A3GALT2: variants seen among roughly 807,000 people sequenced by gnomAD.
A3GALT2 encodes alpha-1,3-galactosyltransferase 2.
Under a neutral mutation model 16.6 loss-of-function variants are expected in A3GALT2, and 14 were observed. That is an observed-to-expected ratio of 0.84 (90% CI 0.56 to 1.32). The LOEUF is 1.32. A3GALT2 is among the 40% of genes most tolerant of loss of function. The pLI is 0.00. For missense variants in A3GALT2, 600 were observed against 490.9 expected (o/e 1.22, Z -2.10); for synonymous variants, 253 against 218.0 (o/e 1.16, Z -1.42).
intron 1 of A3GALT2, among the ~76,000 whole-genome samples, chr1:33,313,099 T>G (rs1198522367): frequency 6.8e-6 from 1 of 147,320 alleles, no homozygotes; most frequent in Non-Finnish European, 1.5e-5. Context: ...TTACTTATCC[T>G]GGGTGGAAGG....
rs765918493 is a variant in A3GALT2, at chr1:33,306,940, G to A, written c.849C>T (p.Gly283=). 2 of 1,510,722 alleles carry A rather than the reference G, an allele frequency of 1.3e-6. No homozygotes were observed. Among genetic ancestry groups the A allele is most frequent in the East Asian group, 2.7e-5 (1 of 36,412 alleles). The allele number at this position is 1,510,722 out of a possible 1,614,324, so 93.6% of individuals were successfully genotyped here. The change falls in exon 5 of 5, where the codon GGC becomes GGT. Residue 283 remains glycine (G), a synonymous_variant. Coordinates refer to ENST00000442999, the MANE Select transcript of A3GALT2 (RefSeq NM_001080438.1). ...TCTCGTCGTGCCAGCGCGCCTCCAG[G>A]CCGCGCGCGCGGTCCCAGTCCAGGC... ...AGGLDWDRAR[G]LEARWHDESH...
At chr1:33,307,541 C>T (rs12723890) in intron 4 of A3GALT2, 88 bp from the exon 5 acceptor site, 2 of 1,109,110 alleles carry the variant, frequency 1.8e-6, no homozygotes, top group East Asian at 3.4e-5. Context: ...CCCACCCCAC[C>T]CTCACCCCCA....
At chr1:33,319,211 T>C (rs1445284572) in intron 1 of A3GALT2, among the ~76,000 whole-genome samples, 2 of 152,206 alleles carry the variant, frequency 1.3e-5, no homozygotes, top group Non-Finnish European at 2.9e-5. Flanking sequence ...TTTGGGTCAC[T>C]GGGATCAATC....
chr1:33,310,630 G>A (rs533416487), intron 4 of A3GALT2, among the ~76,000 whole-genome samples: 1 of 152,342 alleles, frequency 6.6e-6, no homozygotes, highest in Admixed American at 6.5e-5. Context: ...GGTTGAGCCA[G>A]GATTTGAACC....
chr1:33,306,816 G>A lies in A3GALT2; in HGVS notation c.973C>T (p.Arg325Cys). ...TTGGGCGCCCACAGCAGTCGCGGGC[G>A]GCGGATCTCGGCCCGCGGGCCGATG... ...PDIGPRAEIR[R>C]PRLLWAPKGY... is the part of the protein sequence containing the mutation. Residue 325 changes from arginine (R) to cysteine (C), a missense_variant, in exon 5 of 5, where the codon CGC becomes TGC. By Grantham distance (180) the Arg-to-Cys change is radical. Transcript: ENST00000442999. The A allele has an allele frequency of 6.8e-7, 1 of 1,477,496 alleles. No homozygotes were observed. Among genetic ancestry groups the A allele is most frequent in the Non-Finnish European group, 8.9e-7 (1 of 1,121,352 alleles). 91.5% of individuals were successfully genotyped at this position (1,477,496 alleles called of 1,614,324 possible). A position where few individuals can be genotyped will look rare whatever the true frequency, so the allele number is the denominator to read the frequency against.
intron 4 of A3GALT2, among the ~76,000 whole-genome samples, chr1:33,310,866 C>T (rs977476332): frequency 8.5e-5 from 13 of 152,306 alleles, no homozygotes; most frequent in African/African-American, 2.4e-4. Context: ...GTGGGAGCAC[C>T]GAGGCCTTGG....
chr1:33,314,939 T>G (rs1360522103), intron 1 of A3GALT2: 2 of 152,132 alleles, frequency 1.3e-5, no homozygotes, highest in African/African-American at 4.8e-5. Flanking sequence ...GCCTATAAAA[T>G]GAGCACTTTT....
At chr1:33,314,745 C>G (rs1486057483) in intron 1 of A3GALT2, 1 of 152,314 alleles carries the variant, frequency 6.6e-6, no homozygotes, top group Non-Finnish European at 1.5e-5. Flanking sequence ...CTTCATGCTC[C>G]TGGTCACTTC....
intron 4 of A3GALT2, among the ~76,000 whole-genome samples, chr1:33,310,008 G>A (rs1349990640): frequency 6.6e-6 from 1 of 152,262 alleles, no homozygotes; most frequent in Non-Finnish European, 1.5e-5. Context: ...CTCCAGCCTG[G>A]GCAACATTGA....
chr1:33,317,977 A>G (rs567386002), intron 1 of A3GALT2, among the ~76,000 whole-genome samples: 1 of 152,318 alleles, frequency 6.6e-6, no homozygotes, highest in Admixed American at 6.5e-5. Context: ...AGAAATCAAC[A>G]TGGCTATTGA....
chr1:33,314,905 A>G (rs964749720), intron 1 of A3GALT2: 4 of 152,204 alleles, frequency 2.6e-5, no homozygotes, highest in African/African-American at 7.2e-5. Context: ...AAGATATACA[A>G]ATTAGAACAA....
chr1:33,307,369 G>T lies in A3GALT2; in HGVS notation c.420C>A (p.Phe140Leu). The change falls in exon 5 of 5, where the codon TTC becomes TTA. Residue 140 changes from phenylalanine (F) to leucine (L), a missense_variant. Physicochemically the swap from Phe to Leu is conservative, Grantham distance 22. Transcript: ENST00000442999. ...MAGQSVMYYV[F>L]TELPGAVPRV... ...GGGGCACCGCTCCCGGAAGCTCGGT[G>T]AACACGTAGTACATCACGCTCTGGC... is the stretch of plus-strand genomic sequence containing the variant. The T allele has an allele frequency of 6.4e-7, 1 of 1,554,626 alleles. No homozygotes were observed. Among genetic ancestry groups the T allele is most frequent in the Non-Finnish European group, 8.6e-7 (1 of 1,157,640 alleles).
At chr1:33,319,349 G>A (rs988371966) in intron 1 of A3GALT2, among the ~76,000 whole-genome samples, 4 of 152,178 alleles carry the variant, frequency 2.6e-5, no homozygotes, top group African/African-American at 9.7e-5. Context: ...TCAGCAAGGG[G>A]GCTGGGCCAG....
At position 33,307,351 on chromosome 1, in the gene A3GALT2, C is replaced by A; in HGVS notation, c.438G>T (p.Ala146=). 1 of 1,546,694 alleles carries A rather than the reference C, an allele frequency of 6.5e-7. No homozygotes were observed. Among genetic ancestry groups the A allele is most frequent in the Non-Finnish European group, 8.7e-7 (1 of 1,154,140 alleles). ...CCGGGCCCAGCGCCACGCGGGGCAC[C>A]GCTCCCGGAAGCTCGGTGAACACGT... ...MYYVFTELPG[A]VPRVALGPGR... Residue 146 remains alanine, a synonymous_variant, in exon 5 of 5, where the codon GCG becomes GCT. Transcript: ENST00000442999.
At chr1:33,314,113 C>A (rs998246368) in intron 1 of A3GALT2, 2 of 139,962 alleles carry the variant, frequency 1.4e-5, no homozygotes, top group Admixed American at 1.5e-4. Flanking sequence ...CCCAGGCTAG[C>A]GTGCAATGGC....
chr1:33,312,551 C>T lies in A3GALT2; in HGVS notation c.147G>A (p.Ser49=), dbSNP rs374724475. 20 of 1,602,096 alleles carry T rather than the reference C, an allele frequency of 1.2e-5. No homozygotes were observed. The highest frequency in any genetic ancestry group is 7.8e-5 in the South Asian group (7 of 89,818). ...TGTCTCTCAGCTGGGACATTGTGGC[C>T]GAAGGGCAGACGCCCATGGGGATGA... ...EALIPMGVCP[S]ATMSQLRDNF... Residue 49 remains serine, a synonymous_variant, in exon 3 of 5, where the codon TCG becomes TCA. Coordinates refer to ENST00000442999, the MANE Select transcript of A3GALT2 (RefSeq NM_001080438.1).
chr1:33,307,281 G>C lies in A3GALT2; in HGVS notation c.508C>G (p.Gln170Glu). The change falls in exon 5 of 5, where the codon CAA becomes GAA. Residue 170 changes from glutamine to glutamate, a missense_variant. Physicochemically the swap from Gln to Glu is conservative, Grantham distance 29. Transcript: ENST00000442999. Reference sequence around the variant, plus strand: ...CGCATGCGCGCCATCGACACGTCTTGCCAGCGCCGCTCGCGCGCCACGCGC... The same window carrying C: ...CGCATGCGCGCCATCGACACGTCTTCCCAGCGCCGCTCGCGCGCCACGCGC... ...VERVARERRW[Q>E]DVSMARMRTL... The C allele has an allele frequency of 6.9e-7, 1 of 1,441,566 alleles. No individual in the cohort carries two copies. The highest frequency in any genetic ancestry group is 1.5e-5 in the African/African-American group (1 of 67,394). 89.3% of individuals were successfully genotyped at this position (1,441,566 alleles called of 1,614,324 possible).
At position 33,307,284 on chromosome 1, in the gene A3GALT2, A is replaced by AGCGCCGCTCGC; in HGVS notation, c.494_504dup (p.Trp169AlafsTer104). On this transcript the variant is annotated frameshift_variant, in exon 5 of 5. Transcript: ENST00000442999. LOFTEE classifies it low-confidence loss of function (END_TRUNC). ...ATGCGCGCCATCGACACGTCTTGCCAGCGCCGCTCGCGCGCCACGCGCTCC... is the reference window on the plus strand; with the variant it reads ...ATGCGCGCCATCGACACGTCTTGCCAGCGCCGCTCGCGCGCCGCTCGCGCGCCACGCGCTCC... 6.9e-7 allele frequency: 1 copy of AGCGCCGCTCGC among 1,440,624 alleles called. No homozygotes were observed. Among genetic ancestry groups the AGCGCCGCTCGC allele is most frequent in the Non-Finnish European group, 9.0e-7 (1 of 1,104,988 alleles). 89.2% of individuals were successfully genotyped at this position (1,440,624 alleles called of 1,614,324 possible).
Position 33,307,192 on chromosome 1 carries a change from G to C in A3GALT2, c.597C>G (p.Asp199Glu), listed in dbSNP as rs369975413. The C allele has an allele frequency of 3.3e-3, 5,077 of 1,542,324 alleles. 10 individuals carry two copies. The highest frequency in any genetic ancestry group is 4.1e-3 in the Non-Finnish European group (4,684 of 1,147,854). The change falls in exon 5 of 5, where the codon GAC (aspartate) becomes GAG (glutamate). Residue 199 changes from aspartate (D) to glutamate (E), a missense_variant. Physicochemically the swap from Asp to Glu is conservative, Grantham distance 45. Coordinates refer to ENST00000442999, the MANE Select transcript of A3GALT2 (RefSeq NM_001080438.1). ...GREAHFMFCM[D>E]VDQHFSGTFG... The stretch of plus-strand genomic sequence containing the variant: ...AAGTGCCGCTGAAGTGCTGGTCCAC[G>C]TCCATGCAGAACATGAAGTGCGCCT...
Sources: gnomAD v4.1 joint callset for allele counts (sites outside exome capture counted in the v4.1 genomes callset) on GRCh38, gnomAD v4.1.1 for gene constraint, MANE v1.5 for transcripts, NCBI Gene and HGNC (gene_info 2026-07-23, HGNC 2026-07-21) for gene names.